GABRB1: variants seen among roughly 807,000 people sequenced by gnomAD.
The protein encoded by GABRB1 is gamma-aminobutyric acid type A receptor subunit beta1, also known as gamma-aminobutyric acid receptor subunit beta-1.
In GABRB1, 17 loss-of-function variants were observed where a neutral mutation model predicts 51.6. The observed-to-expected ratio is 0.33, with a 90% confidence interval of 0.23 to 0.49. The LOEUF (loss-of-function observed/expected upper bound fraction) is 0.49, where lower values mean the gene tolerates loss of function less well. GABRB1 is among the 20% of genes least tolerant of loss of function. The pLI is 0.99. For missense variants in GABRB1, 410 were observed against 600.6 expected (o/e 0.68, Z 3.32); for synonymous variants, 247 against 218.9 (o/e 1.13, Z -1.14).
At chr4:47,306,844 T>C (rs755099852) in intron 4 of GABRB1, among the ~76,000 whole-genome samples, 13 of 152,198 alleles carry the variant, frequency 8.5e-5, no homozygotes, top group Non-Finnish European at 1.8e-4. Context: ...TAATCCAGTG[T>C]ATATGCACTA....
intron 4 of GABRB1, among the ~76,000 whole-genome samples, chr4:47,229,846 A>G (rs1388499754): frequency 6.6e-6 from 1 of 152,014 alleles, no homozygotes; most frequent in Non-Finnish European, 1.5e-5. Context: ...CAAGAAATGG[A>G]TTTTTTCACT....
intron 3 of GABRB1, among the ~76,000 whole-genome samples, chr4:47,078,368 C>T (rs1727667017): frequency 6.6e-6 from 1 of 152,124 alleles, no homozygotes; most frequent in Non-Finnish European, 1.5e-5. Flanking sequence ...TTAACCTCTT[C>T]TTTTCTCCTT....
At chr4:47,176,047 T>C (rs1375033787) in intron 4 of GABRB1, among the ~76,000 whole-genome samples, 3 of 152,174 alleles carry the variant, frequency 2.0e-5, no homozygotes, top group Non-Finnish European at 4.4e-5. Flanking sequence ...TAACTATAAA[T>C]GCATTTCTAA....
At chr4:47,266,099 T>C (rs1276863360) in intron 4 of GABRB1, among the ~76,000 whole-genome samples, 1 of 152,150 alleles carries the variant, frequency 6.6e-6, no homozygotes, top group African/African-American at 2.4e-5. Flanking sequence ...CTTGAATTTA[T>C]CTTGAATTAT....
Position 47,032,073 on chromosome 4 carries a change from C to CAAA in GABRB1, c.172+79_172+81dup, listed in dbSNP as rs71654859. 1.2e-3 allele frequency: 521 copies of CAAA among 449,676 alleles called. 12 individuals are homozygous for CAAA. Among genetic ancestry groups the CAAA allele is most frequent in the South Asian group, 3.8e-3 (120 of 31,620 alleles). The allele number at this position is 449,676 out of a possible 1,614,324, so 27.9% of individuals were successfully genotyped here. ...CTCCTTTTCTGTCAAAGATAAATGT[C>CAAA]AAAAAAAAAAAAAGAAAAGGCATGT... On this transcript the variant is annotated intron_variant, in intron 2 of 8. Coordinates refer to ENST00000295454, the MANE Select transcript of GABRB1 (RefSeq NM_000812.4).
chr4:47,124,031 T>TAC (rs1321614374), intron 3 of GABRB1, among the ~76,000 whole-genome samples: 2 of 137,296 alleles, frequency 1.5e-5, no homozygotes, highest in African/African-American at 5.4e-5. Context: ...GGCATATATA[T>TAC]ACCTGAAAAA....
At chr4:47,226,754 A>T (rs941213134) in intron 4 of GABRB1, among the ~76,000 whole-genome samples, 3 of 152,170 alleles carry the variant, frequency 2.0e-5, no homozygotes, top group African/African-American at 4.8e-5. Flanking sequence ...GAGTGCCAGC[A>T]GTTGTACTAC....
intron 4 of GABRB1, among the ~76,000 whole-genome samples, chr4:47,210,787 C>G (rs147746400): frequency 6.6e-6 from 1 of 152,138 alleles, no homozygotes; most frequent in African/African-American, 2.4e-5. Context: ...TAGTTTTGTC[C>G]TAAGAGAACT....
intron 5 of GABRB1, among the ~76,000 whole-genome samples, chr4:47,365,832 C>T (rs550062202): frequency 2.0e-4 from 30 of 152,308 alleles, no homozygotes; most frequent in African/African-American, 3.6e-4. Flanking sequence ...CTAACCTGCT[C>T]TCTCCCTTGA....
chr4:47,178,549 G>C (rs973168497), intron 4 of GABRB1, among the ~76,000 whole-genome samples: 1 of 152,000 alleles, frequency 6.6e-6, no homozygotes, highest in African/African-American at 2.4e-5. Flanking sequence ...AACTGTTATT[G>C]CTCATTATTT....
chr4:47,287,011 G>T (rs1342328730), intron 4 of GABRB1, among the ~76,000 whole-genome samples: 3 of 151,762 alleles, frequency 2.0e-5, no homozygotes, highest in Non-Finnish European at 4.4e-5. Flanking sequence ...ACACAGCTGG[G>T]TTTAAACTAC....
intron 4 of GABRB1, among the ~76,000 whole-genome samples, chr4:47,304,606 T>G (rs1724380004): frequency 6.6e-6 from 1 of 152,080 alleles, no homozygotes; most frequent in Admixed American, 6.6e-5. Flanking sequence ...GATTGTTTTC[T>G]AAACAAATTG....
At chr4:47,247,259 C>A (rs192586971) in intron 4 of GABRB1, among the ~76,000 whole-genome samples, 96 of 152,200 alleles carry the variant, frequency 6.3e-4, no homozygotes, top group Admixed American at 1.7e-3. Flanking sequence ...ATCCCAGCAC[C>A]ATTTGTTGAA....
chr4:46,994,343 C>G (rs571674002), intron 1 of GABRB1: 5 of 152,152 alleles, frequency 3.3e-5, no homozygotes, highest in Admixed American at 6.5e-5. Context: ...TGGTCAAAAT[C>G]ACTTTCACTT....
At chr4:47,416,596 C>T (rs949667331) in intron 8 of GABRB1, among the ~76,000 whole-genome samples, 3 of 151,708 alleles carry the variant, frequency 2.0e-5, no homozygotes, top group Admixed American at 6.6e-5. Flanking sequence ...GGACTACAGG[C>T]GCCCGCCACC....
At chr4:47,394,475 C>CTTAAT (rs56217206) in intron 5 of GABRB1, among the ~76,000 whole-genome samples, 2 of 151,648 alleles carry the variant, frequency 1.3e-5, no homozygotes, top group East Asian at 1.9e-4. Flanking sequence ...GTGTGAGGCA[C>CTTAAT]GAGAACCTGA....
At chr4:47,254,357 C>CTTT (rs1560299723) in intron 4 of GABRB1, among the ~76,000 whole-genome samples, 1 of 49,662 alleles carries the variant, frequency 2.0e-5, no homozygotes, top group African/African-American at 7.8e-5. Context: ...TGTTTCTTTT[C>CTTT]TTTGTTTTTT....
chr4:47,411,020 T>C (rs1032907158), intron 8 of GABRB1, among the ~76,000 whole-genome samples: 1 of 152,158 alleles, frequency 6.6e-6, no homozygotes, highest in Non-Finnish European at 1.5e-5. Context: ...GATAGCAGAA[T>C]TTAGAGTCTC....
chr4:47,290,996 C>A (rs1267019628), intron 4 of GABRB1, among the ~76,000 whole-genome samples: 1 of 152,152 alleles, frequency 6.6e-6, no homozygotes, highest in Non-Finnish European at 1.5e-5. Flanking sequence ...TAAGGAGGAG[C>A]CCAATGTTAA....
Sources: allele counts gnomAD v4.1 joint callset (sites outside exome capture counted in the v4.1 genomes callset), GRCh38; gene constraint gnomAD v4.1.1; transcripts MANE v1.5; gene names NCBI Gene and HGNC (gene_info 2026-07-23, HGNC 2026-07-21).